Variants in RERE observed in about 807,000 individuals in gnomAD.
RERE encodes the protein arginine-glutamic acid dipeptide repeats.
RERE carries 40 observed loss-of-function variants against 146.1 expected under a neutral mutation model. The observed-to-expected ratio is 0.27, with a 90% CI of 0.21 to 0.36. The LOEUF (loss-of-function observed/expected upper bound fraction) is 0.36, where lower values mean the gene tolerates loss of function less well. RERE is among the 10% of genes least tolerant of loss of function. The pLI, the probability that RERE is intolerant of heterozygous loss-of-function variation, is 1.00. For missense variants in RERE, 1,933 were observed against 2,138.7 expected (o/e 0.90, Z 1.90); for synonymous variants, 1,003 against 866.0 (o/e 1.16, Z -2.78).
chr1:8,418,200 T>C (rs1210416463), intron 12 of RERE, among the ~76,000 whole-genome samples: 1 of 152,228 alleles, frequency 6.6e-6, no homozygotes, highest in Admixed American at 6.5e-5. Flanking sequence ...AATTGAACTA[T>C]ACACAAAATT....
chr1:8,498,613 T>C (rs1645078612), intron 8 of RERE, among the ~76,000 whole-genome samples: 1 of 150,918 alleles, frequency 6.6e-6, no homozygotes, highest in African/African-American at 2.4e-5. Context: ...AGAGAATCGC[T>C]TGAACCCGGG....
intron 12 of RERE, among the ~76,000 whole-genome samples, chr1:8,377,919 T>C (rs1642315569): frequency 6.6e-6 from 1 of 152,124 alleles, no homozygotes; most frequent in Admixed American, 6.5e-5. Flanking sequence ...AAAAGATAGT[T>C]AGGAGAAAAA....
At chr1:8,493,390 T>C (rs1425736022) in intron 10 of RERE, among the ~76,000 whole-genome samples, 1 of 152,200 alleles carries the variant, frequency 6.6e-6, no homozygotes, top group African/African-American at 2.4e-5. Flanking sequence ...ACACACAATA[T>C]TTATGACAAT....
intron 7 of RERE, among the ~76,000 whole-genome samples, chr1:8,526,951 C>T (rs1057053865): frequency 4.6e-5 from 7 of 152,120 alleles, no homozygotes; most frequent in Admixed American, 1.3e-4. Context: ...CCATGAACCT[C>T]GCCAAAATTA....
chr1:8,724,605 G>A (rs1365980347), intron 1 of RERE, among the ~76,000 whole-genome samples: 3 of 152,130 alleles, frequency 2.0e-5, no homozygotes, highest in Non-Finnish European at 2.9e-5. Flanking sequence ...CCAGCACTTC[G>A]GGAGGCTGAG....
At chr1:8,570,868 T>C (rs1278609435) in intron 4 of RERE, among the ~76,000 whole-genome samples, 1 of 152,178 alleles carries the variant, frequency 6.6e-6, no homozygotes, top group Admixed American at 6.5e-5. Context: ...TCAGATACTA[T>C]TAAAAAAGAT....
At chr1:8,798,265 C>T (rs1641514698) in intron 1 of RERE, among the ~76,000 whole-genome samples, 5 of 151,992 alleles carry the variant, frequency 3.3e-5, no homozygotes, top group African/African-American at 1.2e-4. Flanking sequence ...GGCATGGTGG[C>T]GAGCGCCTGT....
At chr1:8,759,877 A>ACACACACAC (rs36011289) in intron 1 of RERE, among the ~76,000 whole-genome samples, 1 of 150,340 alleles carries the variant, frequency 6.7e-6, no homozygotes, top group African/African-American at 2.5e-5. Context: ...ACACACACAC[A>ACACACACAC]ATATGTCTTG....
intron 3 of RERE, among the ~76,000 whole-genome samples, chr1:8,615,991 A>G (rs1420579350): frequency 6.6e-6 from 1 of 152,172 alleles, no homozygotes; most frequent in Non-Finnish European, 1.5e-5. Flanking sequence ...AGTAGCCACA[A>G]CCTTCTCACC....
At chr1:8,580,549 C>T (rs1162243708) in intron 4 of RERE, among the ~76,000 whole-genome samples, 1 of 152,128 alleles carries the variant, frequency 6.6e-6, no homozygotes, top group African/African-American at 2.4e-5. Context: ...ATGCATTGGA[C>T]TTTTTTAGTT....
At chr1:8,660,540 C>T (rs922117333) in intron 1 of RERE, among the ~76,000 whole-genome samples, 1 of 152,208 alleles carries the variant, frequency 6.6e-6, no homozygotes, top group African/African-American at 2.4e-5. Context: ...CACAAGGCCA[C>T]GCAGCCAATG....
At chr1:8,396,987 T>TACA (rs1290605857) in intron 12 of RERE, among the ~76,000 whole-genome samples, 8 of 152,248 alleles carry the variant, frequency 5.3e-5, no homozygotes, top group African/African-American at 1.9e-4. Context: ...CGTGACTGTA[T>TACA]ACACATCTGG....
chr1:8,631,607 AT>A (rs1647036284), intron 2 of RERE, among the ~76,000 whole-genome samples: 1 of 152,322 alleles, frequency 6.6e-6, no homozygotes, highest in African/African-American at 2.4e-5. Flanking sequence ...GGACACTTAT[AT>A]TACCCAAGCA....
At chr1:8,492,282 T>C (rs1020936939) in intron 10 of RERE, among the ~76,000 whole-genome samples, 5 of 152,224 alleles carry the variant, frequency 3.3e-5, no homozygotes, top group African/African-American at 1.2e-4. Flanking sequence ...AAATGATTTC[T>C]ATACTGAAGT....
At position 8,356,277 on chromosome 1, in the gene RERE, C is replaced by T. The variant is rs181683167; in HGVS notation, c.4340-31G>A. ...GAAAGGACAAAACGCCAGATGGAGG[C>T]GGTGTGCAGCTCTTCAATGTTTGTC... is the stretch of plus-strand genomic sequence containing the variant. On this transcript the variant is annotated intron_variant, in intron 20 of 22. Coordinates refer to ENST00000400908, the MANE Select transcript of RERE (RefSeq NM_001042681.2). The surrounding 1 kb of genome is among the most constrained non-coding windows in gnomAD (Gnocchi z 5.2). 3.4e-5 allele frequency: 51 copies of T among 1,496,578 alleles called. 1 individual carries two copies. In the African/African-American group the frequency reaches 4.6e-4, roughly 13 times the overall value. The allele number at this position is 1,496,578 out of a possible 1,614,324, so 92.7% of individuals were successfully genotyped here.
intron 1 of RERE, among the ~76,000 whole-genome samples, chr1:8,681,838 T>C (rs562861214): frequency 3.9e-5 from 6 of 152,258 alleles, no homozygotes; most frequent in African/African-American, 9.6e-5. Flanking sequence ...ATTAAATAAG[T>C]AGGACAGGAA....
chr1:8,736,531 C>A (rs990066473), intron 1 of RERE, among the ~76,000 whole-genome samples: 3 of 152,096 alleles, frequency 2.0e-5, no homozygotes, highest in Non-Finnish European at 4.4e-5. Flanking sequence ...AAGTGAGCAT[C>A]ATGTTTTTCT....
Position 8,656,265 on chromosome 1 carries a change from T to C in RERE, c.33A>G (p.Lys11=), listed in dbSNP as rs765605655. The change falls in exon 2 of 23, where the codon AAA becomes AAG. Residue 11 remains lysine, a synonymous_variant. Transcript: ENST00000400908. The stretch of plus-strand genomic sequence containing the variant: ...CCCGGTCTCGGTCCCGGTCCTTCTC[T>C]TTGTCTTTGTCTTTGTCTTTGTCCG... MTADKDKDKD[K]EKDRDRDRDR... 1.4e-5 allele frequency: 21 copies of C among 1,552,150 alleles called. No homozygotes were observed. Among genetic ancestry groups the C allele is most frequent in the Non-Finnish European group, 1.8e-5 (21 of 1,136,046 alleles).
At chr1:8,705,895 T>C (rs1639549937) in intron 1 of RERE, among the ~76,000 whole-genome samples, 1 of 152,078 alleles carries the variant, frequency 6.6e-6, no homozygotes. Flanking sequence ...GGTGGGCAGA[T>C]CATGAGGTCA....
Sources: allele counts gnomAD v4.1 joint callset (sites outside exome capture counted in the v4.1 genomes callset), GRCh38; gene constraint gnomAD v4.1.1; non-coding constraint Gnocchi (gnomAD v3.1); transcripts MANE v1.5; gene names NCBI Gene and HGNC (gene_info 2026-07-23, HGNC 2026-07-21).